Variants in SOX5 observed in about 807,000 individuals in gnomAD.
The protein encoded by SOX5 is SRY-box transcription factor 5.
In SOX5, 9 loss-of-function variants were observed where a neutral mutation model predicts 92.0. The ratio of observed to expected loss-of-function variants is 0.10; its 90% CI spans 0.06 to 0.17. The LOEUF (loss-of-function observed/expected upper bound fraction) is 0.17. Among genes scored for constraint, SOX5 ranks in the 10% least tolerant of loss-of-function variants. The probability of loss-of-function intolerance (pLI) is 1.00; values close to 1 mark genes in which losing one functional copy is unlikely to be tolerated. For synonymous variants in SOX5, 344 were observed against 336.3 expected, an observed-to-expected ratio of 1.02 and a Z score of -0.25; for missense variants, 642 against 944.5, an observed-to-expected ratio of 0.68 and a Z score of 4.20.
chr12:23,758,683 G>A (rs557721749), intron 3 of SOX5, among the ~76,000 whole-genome samples: 4 of 151,820 alleles, frequency 2.6e-5, no homozygotes, highest in African/African-American at 9.7e-5. Flanking sequence ...GAATGGGTCC[G>A]CCCAAAAGCA....
chr12:23,968,138 T>C (rs902702338), intron 4 of SOX5, among the ~76,000 whole-genome samples: 4 of 152,146 alleles, frequency 2.6e-5, no homozygotes, highest in African/African-American at 9.7e-5. Flanking sequence ...TTCCTAGTAG[T>C]TTCTTTGCCC....
chr12:23,993,702 CAG>C (rs1950762476), intron 4 of SOX5, among the ~76,000 whole-genome samples: 1 of 152,026 alleles, frequency 6.6e-6, no homozygotes, highest in African/African-American at 2.4e-5. Context: ...AGTGTAGTGA[CAG>C]AAAATTTGAG....
intron 4 of SOX5, among the ~76,000 whole-genome samples, chr12:23,965,094 C>G (rs900174804): frequency 4.6e-5 from 7 of 152,200 alleles, no homozygotes; most frequent in African/African-American, 1.7e-4. Flanking sequence ...GCTGGGTGTG[C>G]CTGTCAGCCT....
chr12:23,704,403 G>A (rs1165995609), intron 6 of SOX5, among the ~76,000 whole-genome samples: 5 of 151,568 alleles, frequency 3.3e-5, no homozygotes, highest in African/African-American at 9.7e-5. Flanking sequence ...TGTCAATTAT[G>A]TATAAATGTT....
At chr12:24,122,279 AG>A (rs1478819781) in intron 4 of SOX5, among the ~76,000 whole-genome samples, 5 of 152,226 alleles carry the variant, frequency 3.3e-5, no homozygotes, top group Admixed American at 6.5e-5. Flanking sequence ...GCACAATAAA[AG>A]TAATGGCTGC....
chr12:24,255,010 G>C (rs117584457), intron 3 of SOX5, among the ~76,000 whole-genome samples: 1 of 152,006 alleles, frequency 6.6e-6, no homozygotes, highest in African/African-American at 2.4e-5. Context: ...CAAATGAAGA[G>C]AAACAAGAAA....
chr12:24,209,319 G>A (rs1010837165), intron 4 of SOX5, among the ~76,000 whole-genome samples: 3 of 152,100 alleles, frequency 2.0e-5, no homozygotes, highest in Non-Finnish European at 2.9e-5. Context: ...TGAAGTGGAA[G>A]TAGGCATGCC....
At chr12:24,369,986 A>G (rs908466556) in intron 1 of SOX5, among the ~76,000 whole-genome samples, 3 of 152,216 alleles carry the variant, frequency 2.0e-5, no homozygotes, top group African/African-American at 7.2e-5. Context: ...TTTCTCACAC[A>G]AACAGTAAAA....
intron 2 of SOX5, among the ~76,000 whole-genome samples, chr12:24,284,431 T>TC (rs1945588605): frequency 1.9e-5 from 1 of 52,554 alleles, no homozygotes; most frequent in African/African-American, 4.2e-5. Flanking sequence ...GTTTTTTTTC[T>TC]TTGTGTGTGT....
chr12:24,119,140 C>T (rs999774370), intron 4 of SOX5, among the ~76,000 whole-genome samples: 1 of 151,938 alleles, frequency 6.6e-6, no homozygotes, highest in East Asian at 1.9e-4. Flanking sequence ...ACTAAACAAG[C>T]ATTAGGTTGT....
chr12:24,128,946 C>T (rs1312525192), intron 4 of SOX5, among the ~76,000 whole-genome samples: 1 of 152,076 alleles, frequency 6.6e-6, no homozygotes, highest in Non-Finnish European at 1.5e-5. Context: ...ATGGAAAACA[C>T]ATAGAAATGG....
chr12:24,531,321 A>G (rs1951179088), intron 1 of SOX5, among the ~76,000 whole-genome samples: 1 of 152,168 alleles, frequency 6.6e-6, no homozygotes, highest in Non-Finnish European at 1.5e-5. Context: ...TATTTTTTCC[A>G]TTTGGACAAC....
intron 4 of SOX5, among the ~76,000 whole-genome samples, chr12:24,107,976 T>C (rs1946875692): frequency 6.6e-6 from 1 of 152,168 alleles, no homozygotes; most frequent in Non-Finnish European, 1.5e-5. Flanking sequence ...GAGCTTCAAA[T>C]AAAGTTTTAA....
At chr12:24,557,041 T>C (rs1953858552) in intron 1 of SOX5, among the ~76,000 whole-genome samples, 1 of 152,158 alleles carries the variant, frequency 6.6e-6, no homozygotes, top group Admixed American at 6.5e-5. Flanking sequence ...ACACGTAGTA[T>C]CTAACATAAT....
At chr12:24,209,701 C>T (rs1958382672) in intron 4 of SOX5, among the ~76,000 whole-genome samples, 1 of 152,166 alleles carries the variant, frequency 6.6e-6, no homozygotes, top group African/African-American at 2.4e-5. Context: ...TGATTCTTCA[C>T]ATGATAGAAA....
intron 2 of SOX5, among the ~76,000 whole-genome samples, chr12:24,290,642 C>G (rs529787493): frequency 1.3e-5 from 2 of 152,188 alleles, no homozygotes; most frequent in Admixed American, 6.5e-5. Context: ...CCCACCACCC[C>G]CCTCTCCCAG....
intron 2 of SOX5, among the ~76,000 whole-genome samples, chr12:24,325,883 G>C (rs1007067086): frequency 2.0e-5 from 3 of 152,146 alleles, no homozygotes; most frequent in African/African-American, 7.2e-5. Flanking sequence ...TCCATACTAG[G>C]GGTTGCGCAC....
intron 4 of SOX5, among the ~76,000 whole-genome samples, chr12:24,195,572 A>T (rs945035094): frequency 1.3e-5 from 2 of 152,218 alleles, no homozygotes; most frequent in African/African-American, 4.8e-5. Context: ...AGAACTCAAT[A>T]TATCTGCCTA....
At chr12:24,557,233 C>G (rs1316209549) in intron 1 of SOX5, among the ~76,000 whole-genome samples, 3 of 151,712 alleles carry the variant, frequency 2.0e-5, no homozygotes, top group Non-Finnish European at 4.4e-5. Flanking sequence ...ACTAAAAATA[C>G]AAAAATTAGC....
Sources: allele counts gnomAD v4.1 joint callset (sites outside exome capture counted in the v4.1 genomes callset), GRCh38; gene constraint gnomAD v4.1.1; transcripts MANE v1.5; gene names NCBI Gene and HGNC (gene_info 2026-07-23, HGNC 2026-07-21).